The following MAGED2 variants were observed in gnomAD, a reference collection of about 807,000 sequenced individuals.
The protein encoded by MAGED2 is MAGE family member D2.
A neutral mutation model predicts 41.7 loss-of-function variants in MAGED2; 6 were observed. The ratio of observed to expected loss-of-function variants is 0.14; its 90% CI spans 0.08 to 0.28. The LOEUF (loss-of-function observed/expected upper bound fraction) is 0.28. Among genes scored for constraint, MAGED2 ranks in the 10% least tolerant of loss-of-function variants. The pLI, the probability that MAGED2 is intolerant of heterozygous loss-of-function variation, is 1.00. For synonymous variants in MAGED2, 146 were observed against 178.2 expected, an observed-to-expected ratio of 0.82 and a Z score of 1.44; for missense variants, 343 against 486.4, an observed-to-expected ratio of 0.71 and a Z score of 2.77.
At chrX:54,812,844 G>A in intron 7 of MAGED2, 101 bp from the exon 8 acceptor site, 1 of 622,293 alleles carries the variant, frequency 1.6e-6, no homozygotes, top group Admixed American at 2.7e-5. Flanking sequence ...GTAGAATTCT[G>A]TATCTGAGGA....
chrX:54,814,646 A>C lies in MAGED2; in HGVS notation c.1272-15A>C, dbSNP rs754979904. ...ATGGTCTTAGAAATAAAGGCTTTGA[A>C]CCTCTCTTTCCAAGGTACCTGGACT... On this transcript the variant is annotated splice_polypyrimidine_tract_variant and intron_variant, in intron 10 of 12. Coordinates refer to ENST00000375068, the MANE Select transcript of MAGED2 (RefSeq NM_177433.3). 4.6e-6 allele frequency: 5 copies of C among 1,091,262 alleles called. No individual in the cohort carries two copies. In the East Asian group the frequency reaches 1.2e-4, roughly 26 times the overall value. 89.9% of individuals were successfully genotyped at this position (1,091,262 alleles called of 1,213,427 possible).
intron 6 of MAGED2, 125 bp from the exon 7 acceptor site, chrX:54,812,032 A>G: frequency 2.1e-6 from 1 of 481,563 alleles, no homozygotes; most frequent in Non-Finnish European, 3.8e-6. Context: ...GCACTTAGCT[A>G]TGTACTTTGT....
Position 54,814,657 on chromosome X carries a change from C to T in MAGED2, c.1272-4C>T, listed in dbSNP as rs1929907771. 8.6e-7 allele frequency: 1 copy of T among 1,158,134 alleles called. No individual in the cohort carries two copies. Reference sequence around the variant, plus strand: ...AATAAAGGCTTTGAACCTCTCTTTCCAAGGTACCTGGACTATGCCAGAGTC... The same window carrying T: ...AATAAAGGCTTTGAACCTCTCTTTCTAAGGTACCTGGACTATGCCAGAGTC... On this transcript the variant is annotated splice_region_variant and splice_polypyrimidine_tract_variant and intron_variant, in intron 10 of 12. Coordinates refer to ENST00000375068, the MANE Select transcript of MAGED2 (RefSeq NM_177433.3).
chrX:54,808,356 T>TAG (rs1356187575), intron 1 of MAGED2: 2 of 110,135 alleles, frequency 1.8e-5, no homozygotes, highest in African/African-American at 6.6e-5. Flanking sequence ...ACTTCCGGCC[T>TAG]AGAGAGGGGA....
At chrX:54,809,513 TGGAG>T in intron 2 of MAGED2, 137 bp downstream of exon 2, 1 of 864,392 alleles carries the variant, frequency 1.2e-6, no homozygotes, top group Non-Finnish European at 1.7e-6. Flanking sequence ...CCCTGCCCAG[TGGAG>T]GGAGGGAGAG....
chrX:54,812,109 C>G, intron 6 of MAGED2, 48 bp from the exon 7 acceptor site: 2 of 775,820 alleles, frequency 2.6e-6, no homozygotes, highest in Non-Finnish European at 4.0e-6. Context: ...GCAGCATGCC[C>G]CGGAAGCTGA....
intron 1 of MAGED2, 84 bp from the exon 2 acceptor site, chrX:54,809,219 G>A (rs1487635551): frequency 4.3e-6 from 3 of 691,952 alleles, no homozygotes; most frequent in South Asian, 2.3e-5. Context: ...GGGGACCTAC[G>A]GAAGGTGAGG....
chrX:54,813,697 C>A, intron 10 of MAGED2, 147 bp downstream of exon 10: 1 of 483,991 alleles, frequency 2.1e-6, no homozygotes, highest in East Asian at 3.6e-5. Flanking sequence ...ATTCCTTGGG[C>A]GGTGATGGGA....
Position 54,809,707 on chromosome X carries a change from T to G in MAGED2, c.46-15T>G. The G allele has an allele frequency of 5.0e-6, 6 of 1,190,085 alleles. No individual in the cohort carries two copies. The highest frequency in any genetic ancestry group is 6.8e-6 in the Non-Finnish European group (6 of 885,493). ...TGAGGAGAAGGTCTATGAACTTCCC[T>G]GCTTCCTCTTGCAGGCTGAAGCTTC... On this transcript the variant is annotated splice_polypyrimidine_tract_variant and intron_variant, in intron 2 of 12. Transcript: ENST00000375068.
At position 54,815,709 on chromosome X, in the gene MAGED2, G is replaced by T. The variant is rs1929952621; in HGVS notation, c.*8+19G>T. 9.3e-6 allele frequency: 10 copies of T among 1,069,596 alleles called. No homozygotes were observed. The African/African-American group carries it at 1.3e-4, about 14-fold the overall frequency. 88.1% of individuals were successfully genotyped at this position (1,069,596 alleles called of 1,213,427 possible). On this transcript the variant is annotated intron_variant, in intron 12 of 12. Transcript: ENST00000375068. The stretch of plus-strand genomic sequence containing the variant: ...ATTTTAGGTATCTGCCTTGGTTTCA[G>T]TGGGGACATCTGGGGCTTATGGGGC...
chrX:54,811,858 C>T (rs1929818171), intron 6 of MAGED2, among the ~76,000 whole-genome samples: 1 of 111,925 alleles, frequency 8.9e-6, no homozygotes, highest in Non-Finnish European at 1.9e-5. Context: ...GGACCCAAGA[C>T]ACCCAACTTA....
At chrX:54,814,805 G>T in intron 11 of MAGED2, 30 bp downstream of exon 11, 1 of 1,110,171 alleles carries the variant, frequency 9.0e-7, no homozygotes, top group South Asian at 1.8e-5. Context: ...AGCTTGGCAA[G>T]TCAAGAGCAT....
At chrX:54,808,990 G>A (rs963844896) in intron 1 of MAGED2, 1 of 313,215 alleles carries the variant, frequency 3.2e-6, no homozygotes, top group Non-Finnish European at 5.7e-6. Context: ...GAAAGCGGGC[G>A]GGGCTGAGAG....
Position 54,807,752 on chromosome X carries a change from C to G in MAGED2, c.-80C>G, listed in dbSNP as rs1040535629. 6 of 112,734 alleles carry G rather than the reference C, an allele frequency of 5.3e-5. No homozygotes were observed. Among genetic ancestry groups the G allele is most frequent in the Admixed American group, 1.9e-4 (2 of 10,582 alleles). The allele number at this position is 112,734 out of a possible 1,213,427, so 9.3% of individuals were successfully genotyped here. A position where few individuals can be genotyped will look rare whatever the true frequency, so the allele number is the denominator to read the frequency against. Reference sequence around the variant, plus strand: ...GCTCTAGTCCAGGAGGCTGAGACTTCGAGAGGGACTTAGAGAAGGCAGACG... The same window carrying G: ...GCTCTAGTCCAGGAGGCTGAGACTTGGAGAGGGACTTAGAGAAGGCAGACG... On this transcript the variant is annotated 5_prime_UTR_variant, in exon 1 of 13. Transcript: ENST00000375068.
At chrX:54,809,271 C>T in intron 1 of MAGED2, 32 bp from the exon 2 acceptor site, 1 of 1,148,344 alleles carries the variant, frequency 8.7e-7, no homozygotes, top group Non-Finnish European at 1.2e-6. Context: ...GTTCAGTGGG[C>T]TTCAACTTGA....
At chrX:54,809,244 A>G (rs1929720854) in intron 1 of MAGED2, 59 bp from the exon 2 acceptor site, 2 of 958,860 alleles carry the variant, frequency 2.1e-6, no homozygotes, top group South Asian at 4.0e-5. Context: ...GCCTCCAGGC[A>G]CAACAGGGGA....
intron 3 of MAGED2, 83 bp from the exon 4 acceptor site, chrX:54,810,738 G>A (rs1446821306): frequency 2.2e-5 from 18 of 826,476 alleles, no homozygotes; most frequent in East Asian, 6.5e-5. Flanking sequence ...TGGGATTAGC[G>A]GGTGCTTCCT....
At chrX:54,807,945 G>A (rs1437942325) in intron 1 of MAGED2, 143 bp downstream of exon 1, 1 of 111,784 alleles carries the variant, frequency 8.9e-6, no homozygotes, top group African/African-American at 3.3e-5. Context: ...TAGGCAATGA[G>A]GACGACTGAG....
intron 11 of MAGED2, 104 bp downstream of exon 11, chrX:54,814,879 G>A: frequency 1.8e-6 from 1 of 564,404 alleles, no homozygotes; most frequent in East Asian, 3.4e-5. Context: ...TGAATGTTTT[G>A]GTGCTTCTGT....
Sources: allele counts gnomAD v4.1 joint callset (sites outside exome capture counted in the v4.1 genomes callset), GRCh38; gene constraint gnomAD v4.1.1; transcripts MANE v1.5; gene names NCBI Gene and HGNC (gene_info 2026-07-23, HGNC 2026-07-21).